The following DPYSL2 variants were observed in gnomAD, a reference collection of about 807,000 sequenced individuals.
DPYSL2 encodes dihydropyrimidinase-related protein 2.
In DPYSL2, 13 loss-of-function variants were observed where a neutral mutation model predicts 69.9. The ratio of observed to expected loss-of-function variants is 0.19; its 90% confidence interval spans 0.12 to 0.30. The LOEUF (loss-of-function observed/expected upper bound fraction) is 0.30, where lower values mean the gene tolerates loss of function less well. Among genes scored for constraint, DPYSL2 ranks in the 10% least tolerant of loss-of-function variants. The pLI is 1.00. For synonymous variants in DPYSL2, 326 were observed against 359.1 expected, an observed-to-expected ratio of 0.91 and a Z score of 1.04; for missense variants, 587 against 918.9, an observed-to-expected ratio of 0.64 and a Z score of 4.67.
chr8:26,533,829 C>T lies in DPYSL2; in HGVS notation c.354+19150C>T, dbSNP rs1800548775. Among the ~76,000 whole-genome samples, 1 of 152,226 alleles carries T rather than the reference C, an allele frequency of 6.6e-6. No individual in the cohort carries two copies. The highest frequency in any genetic ancestry group is 1.5e-5 in the Non-Finnish European group (1 of 68,040). On this transcript the variant is annotated intron_variant, in intron 1 of 13. Transcript: ENST00000521913. The surrounding 1 kb of genome is among the most constrained non-coding windows in gnomAD (Gnocchi z 4.8). ...ATTGAGGCTTGCAAGAAGTGACGTGCTGCTGCGGTGGCAGGGACTGATGGG... is the reference window on the plus strand; with the variant it reads ...ATTGAGGCTTGCAAGAAGTGACGTGTTGCTGCGGTGGCAGGGACTGATGGG...
rs550925716 is a variant in DPYSL2 at position 26,648,642 on chromosome 8, G to A, written c.1596+842G>A. Among the ~76,000 whole-genome samples, 4 of 152,322 alleles carry A rather than the reference G, an allele frequency of 2.6e-5. No individual in the cohort carries two copies. Among genetic ancestry groups the A allele is most frequent in the South Asian group, 2.1e-4 (1 of 4,824 alleles). On this transcript the variant is annotated intron_variant, in intron 11 of 13. Coordinates refer to ENST00000521913, the MANE Select transcript of DPYSL2 (RefSeq NM_001197293.3). The surrounding 1 kb of genome is among the most constrained non-coding windows in gnomAD (Gnocchi z 4.3). Reference sequence around the variant, plus strand: ...AATGGGCCTCGGGCAGAAGAGTTTCGTGTCAGGAACTCATTTGAATCTTGA... The same window carrying A: ...AATGGGCCTCGGGCAGAAGAGTTTCATGTCAGGAACTCATTTGAATCTTGA...
chr8:26,646,990 A>G (rs1016833053), intron 10 of DPYSL2, among the ~76,000 whole-genome samples: 3 of 150,644 alleles, frequency 2.0e-5, no homozygotes, highest in African/African-American at 5.0e-5. Context: ...CAAAAAAAAG[A>G]TTAAAAAAAA....
At chr8:26,568,496 G>T (rs1026324921) in intron 1 of DPYSL2, among the ~76,000 whole-genome samples, 1 of 152,094 alleles carries the variant, frequency 6.6e-6, no homozygotes, top group African/African-American at 2.4e-5. Flanking sequence ...GCAGAAAGAG[G>T]ACCAATTTAT....
chr8:26,639,069 A>G (rs1802983869), intron 8 of DPYSL2, among the ~76,000 whole-genome samples: 1 of 152,176 alleles, frequency 6.6e-6, no homozygotes, highest in Non-Finnish European at 1.5e-5. Context: ...AACCCTGGGA[A>G]CCTCAATTTG....
chr8:26,580,889 A>G lies in DPYSL2; in HGVS notation c.355-1080A>G, dbSNP rs1346142297. Among the ~76,000 whole-genome samples the G allele has an allele frequency of 6.6e-6, 1 of 152,226 alleles. No individual in the cohort carries two copies. Among genetic ancestry groups the G allele is most frequent in the Admixed American group, 6.5e-5 (1 of 15,284 alleles). The stretch of plus-strand genomic sequence containing the variant: ...TGCCAGCATTCCTTCCATCAGCAGC[A>G]TTTGCAATAACGATGAGTCATAATG... On this transcript the variant is annotated intron_variant, in intron 1 of 13. Coordinates refer to ENST00000521913, the MANE Select transcript of DPYSL2 (RefSeq NM_001197293.3). This position sits in a 1 kb window ranked among gnomAD's most constrained non-coding sequence, Gnocchi z 4.1.
chr8:26,514,749 C>G lies in DPYSL2; in HGVS notation c.354+70C>G. 1 of 1,301,680 alleles carries G rather than the reference C, an allele frequency of 7.7e-7. No homozygotes were observed. The highest frequency in any genetic ancestry group is 9.9e-7 in the Non-Finnish European group (1 of 1,007,432). The allele number at this position is 1,301,680 out of a possible 1,614,324, so 80.6% of individuals were successfully genotyped here. On this transcript the variant is annotated intron_variant, in intron 1 of 13. Coordinates refer to ENST00000521913, the MANE Select transcript of DPYSL2 (RefSeq NM_001197293.3). This position sits in a 1 kb window ranked among gnomAD's most constrained non-coding sequence, Gnocchi z 8.4. ...GATCGCCCCTCCCTCGCCCCTGAGC[C>G]CGGCGCGCCCGCCTTCATGCCCCGC...
chr8:26,581,943 G>C (rs1801502375), intron 1 of DPYSL2, 26 bp from the exon 2 acceptor site: 1 of 1,583,760 alleles, frequency 6.3e-7, no homozygotes, highest in African/African-American at 1.3e-5. Flanking sequence ...GTTACGCGTT[G>C]TGACCTTACT....
In DPYSL2 at chr8:26,627,803, G is replaced by A. The variant is rs918236941; in HGVS notation, c.937-69G>A. The A allele has an allele frequency of 1.1e-5, 16 of 1,500,698 alleles. No individual in the cohort carries two copies. The highest frequency in any genetic ancestry group is 8.9e-5 in the Admixed American group (5 of 56,182). The allele number at this position is 1,500,698 out of a possible 1,614,324, so 93.0% of individuals were successfully genotyped here. ...ATCTTGCCCGGATAACTGCATGCCC[G>A]GGCCTCTGCCATCAGAGCTGTGCAA... On this transcript the variant is annotated intron_variant, in intron 6 of 13. Coordinates refer to ENST00000521913, the MANE Select transcript of DPYSL2 (RefSeq NM_001197293.3). This position sits in a 1 kb window ranked among gnomAD's most constrained non-coding sequence, Gnocchi z 6.9.
rs1335129022 is a variant in DPYSL2, at chr8:26,654,949, C to T, written c.1943-666C>T. On this transcript the variant is annotated intron_variant, in intron 13 of 13. Transcript: ENST00000521913. This position sits in a 1 kb window ranked among gnomAD's most constrained non-coding sequence, Gnocchi z 5.0. ...CTCGACCTCCTGGGCTCAAGTGATCCTCCCAGCTCAGCCTCCCCAGTAGCT... is the reference window on the plus strand; with the variant it reads ...CTCGACCTCCTGGGCTCAAGTGATCTTCCCAGCTCAGCCTCCCCAGTAGCT... Among the ~76,000 whole-genome samples the T allele has an allele frequency of 6.6e-6, 1 of 152,152 alleles. No individual in the cohort carries two copies. The highest frequency in any genetic ancestry group is 1.5e-5 in the Non-Finnish European group (1 of 68,028).
rs62491875 is a variant in DPYSL2 at position 26,562,904 on chromosome 8, T to C, written c.355-19065T>C. On this transcript the variant is annotated intron_variant, in intron 1 of 13. Coordinates refer to ENST00000521913, the MANE Select transcript of DPYSL2 (RefSeq NM_001197293.3). The surrounding 1 kb of genome is among the most constrained non-coding windows in gnomAD (Gnocchi z 4.9). The stretch of plus-strand genomic sequence containing the variant: ...TCATACGTCTGTCACCTTGGCACCA[T>C]GGCAGGAAGGCTGGGCTTGGGGGGA... Among the ~76,000 whole-genome samples the C allele has an allele frequency of 0.013, 2,008 of 152,290 alleles. 22 individuals carry two copies. Among genetic ancestry groups the C allele is most frequent in the Middle Eastern group, 0.075 (22 of 294 alleles).
At chr8:26,528,996 G>A (rs945241959) in intron 1 of DPYSL2, among the ~76,000 whole-genome samples, 1 of 152,256 alleles carries the variant, frequency 6.6e-6, no homozygotes, top group East Asian at 1.9e-4. Flanking sequence ...GGAGGATGGA[G>A]TGTGAGCTCT....
At chr8:26,553,554 G>A (rs963114407) in intron 1 of DPYSL2, among the ~76,000 whole-genome samples, 7 of 152,266 alleles carry the variant, frequency 4.6e-5, no homozygotes, top group Non-Finnish European at 1.0e-4. Flanking sequence ...CAAAGGACAT[G>A]ATCTCGTTCT....
intron 3 of DPYSL2, among the ~76,000 whole-genome samples, chr8:26,594,592 C>G (rs1801816464): frequency 6.6e-6 from 1 of 152,176 alleles, no homozygotes; most frequent in Non-Finnish European, 1.5e-5. Context: ...TCCATCGTCT[C>G]TATATCTATT....
At chr8:26,557,405 C>T (rs963946103) in intron 1 of DPYSL2, among the ~76,000 whole-genome samples, 2 of 152,038 alleles carry the variant, frequency 1.3e-5, no homozygotes, top group African/African-American at 4.8e-5. Context: ...AGAGACACCT[C>T]ACCAAAGAAG....
At chr8:26,556,341 ATATATATATAGTATATATATATAG>A (rs1431764361) in intron 1 of DPYSL2, among the ~76,000 whole-genome samples, 7 of 9,150 alleles carry the variant, frequency 7.7e-4, no homozygotes, top group African/African-American at 1.8e-3. Flanking sequence ...TATATATAGT[ATATATATATAGTATATATATATAG>A]TATATATATA....
chr8:26,525,308 C>T (rs956723621), intron 1 of DPYSL2, among the ~76,000 whole-genome samples: 6 of 152,168 alleles, frequency 3.9e-5, no homozygotes, highest in African/African-American at 1.2e-4. Flanking sequence ...GCAGCCTCGA[C>T]CTCCTAGGCT....
At position 26,597,588 on chromosome 8, in the gene DPYSL2, C is replaced by T. The variant is rs1801891093; in HGVS notation, c.628+13605C>T. On this transcript the variant is annotated intron_variant, in intron 3 of 13. Transcript: ENST00000521913. The surrounding 1 kb of genome is among the most constrained non-coding windows in gnomAD (Gnocchi z 5.2). Reference sequence around the variant, plus strand: ...CTCCCAGGTTCACGCCATTCTCCTGCCTCAGCCTCCCAAGTAGCTGGGACT... The same window carrying T: ...CTCCCAGGTTCACGCCATTCTCCTGTCTCAGCCTCCCAAGTAGCTGGGACT... Among the ~76,000 whole-genome samples the T allele has an allele frequency of 6.6e-6, 1 of 152,094 alleles. No individual in the cohort carries two copies. Among genetic ancestry groups the T allele is most frequent in the South Asian group, 2.1e-4 (1 of 4,830 alleles).
At chr8:26,578,380 A>G in intron 1 of DPYSL2, 1 of 1,599,106 alleles carries the variant, frequency 6.3e-7, no homozygotes, top group Non-Finnish European at 8.5e-7. Context: ...AGGAGGGGAA[A>G]GGAGAGGGAC....
intron 7 of DPYSL2, among the ~76,000 whole-genome samples, chr8:26,628,301 G>A (rs1408240974): frequency 6.6e-6 from 1 of 152,238 alleles, no homozygotes; most frequent in Non-Finnish European, 1.5e-5. Flanking sequence ...CCAAAACGTA[G>A]TTGGAAGGAT....
Sources: gnomAD v4.1 joint callset for allele counts (sites outside exome capture counted in the v4.1 genomes callset) on GRCh38, gnomAD v4.1.1 for gene constraint, Gnocchi (gnomAD v3.1) non-coding constraint, MANE v1.5 for transcripts, NCBI Gene and HGNC (gene_info 2026-07-23, HGNC 2026-07-21) for gene names.